SOBP: variants seen among roughly 807,000 people sequenced by gnomAD.
SOBP encodes sine oculis-binding protein homolog.
A neutral mutation model predicts 53.6 loss-of-function variants in SOBP; 4 were observed. That is an observed-to-expected ratio of 0.07 (90% CI 0.04 to 0.17). The LOEUF (loss-of-function observed/expected upper bound fraction) is 0.17, where lower values mean the gene tolerates loss of function less well. Among genes scored for constraint, SOBP ranks in the 10% least tolerant of loss-of-function variants. The pLI is 1.00. For synonymous variants in SOBP, 584 were observed against 522.6 expected (o/e 1.12, Z -1.60); for missense variants, 1,088 against 1,204.7 (o/e 0.90, Z 1.43).
At chr6:107,548,718 C>T (rs1378181642) in intron 4 of SOBP, among the ~76,000 whole-genome samples, 1 of 151,588 alleles carries the variant, frequency 6.6e-6, no homozygotes, top group Non-Finnish European at 1.5e-5. Context: ...GGGAGGATCA[C>T]TTGAGGCCAG....
At chr6:107,524,491 ACT>A (rs1167103333) in intron 3 of SOBP, among the ~76,000 whole-genome samples, 4 of 151,890 alleles carry the variant, frequency 2.6e-5, no homozygotes, top group African/African-American at 9.7e-5. Flanking sequence ...GGTCTGTATT[ACT>A]CTCTCTTTGC....
chr6:107,603,072 A>G (rs1786245770), intron 5 of SOBP, among the ~76,000 whole-genome samples: 1 of 152,198 alleles, frequency 6.6e-6, no homozygotes. Flanking sequence ...AAAGAAGGAT[A>G]CATTGATACT....
intron 4 of SOBP, among the ~76,000 whole-genome samples, chr6:107,535,856 A>G (rs749949733): frequency 6.6e-6 from 1 of 152,074 alleles, no homozygotes; most frequent in Non-Finnish European, 1.5e-5. Context: ...CCATCCTGCC[A>G]TTTCTAAGAA....
rs371437673 is a variant in SOBP at position 107,516,641 on chromosome 6, T to C, written c.421+10214T>C. ...ACCTCCCTACAGTCAATCTACAGGT[T>C]AACTATTATAATTTACGACTCAATT... On this transcript the variant is annotated intron_variant, in intron 3 of 6. Coordinates refer to ENST00000317357, the MANE Select transcript of SOBP (RefSeq NM_018013.4). Among the ~76,000 whole-genome samples the C allele has an allele frequency of 7.5e-4, 114 of 152,294 alleles. 2 individuals carry two copies. The South Asian group carries it at 0.023, about 30-fold the overall frequency.
At chr6:107,642,308 C>T (rs1771363573) in intron 6 of SOBP, among the ~76,000 whole-genome samples, 4 of 151,896 alleles carry the variant, frequency 2.6e-5, no homozygotes, top group Admixed American at 2.6e-4. Context: ...AGGGGAAGTA[C>T]ACACACATGC....
intron 1 of SOBP, among the ~76,000 whole-genome samples, chr6:107,498,428 C>T (rs1782752513): frequency 6.6e-6 from 1 of 152,038 alleles, no homozygotes; most frequent in Non-Finnish European, 1.5e-5. Context: ...AATAAAATCA[C>T]CAGTTCTTTT....
chr6:107,649,067 G>A (rs2115172255), intron 6 of SOBP, among the ~76,000 whole-genome samples: 1 of 150,988 alleles, frequency 6.6e-6, no homozygotes, highest in South Asian at 2.1e-4. Flanking sequence ...TACTCAGGAG[G>A]CTGAGGCCCA....
At position 107,634,717 on chromosome 6, in the gene SOBP, C is replaced by G; in HGVS notation, c.1873C>G (p.Arg625Gly). 1 of 1,376,100 alleles carries G rather than the reference C, an allele frequency of 7.3e-7. No homozygotes were observed. The highest frequency in any genetic ancestry group is 1.8e-5 in the South Asian group (1 of 56,380). 85.2% of individuals were successfully genotyped at this position (1,376,100 alleles called of 1,614,324 possible). A position where few individuals can be genotyped will look rare whatever the true frequency, so the allele number is the denominator to read the frequency against. Residue 625 changes from arginine (R) to glycine (G), a missense_variant, in exon 6 of 7, where the codon CGG becomes GGG. By Grantham distance (125) the Arg-to-Gly change is moderately radical. This residue lies in a region of SOBP where 665 missense variants were observed against 629.7 expected (regional missense o/e 1.06). Coordinates refer to ENST00000317357, the MANE Select transcript of SOBP (RefSeq NM_018013.4). The surrounding 1 kb of genome is among the most constrained non-coding windows in gnomAD (Gnocchi z 4.5). ...HGRSEVVDLT[R>G]RAGSPPGPPG... Reference sequence around the variant, plus strand: ...CCGGAGCGAGGTGGTGGACCTGACGCGGCGCGCCGGCAGCCCCCCGGGCCC... The same window carrying G: ...CCGGAGCGAGGTGGTGGACCTGACGGGGCGCGCCGGCAGCCCCCCGGGCCC...
chr6:107,630,820 A>G (rs1226477542), intron 5 of SOBP, among the ~76,000 whole-genome samples: 2 of 151,800 alleles, frequency 1.3e-5, no homozygotes, highest in East Asian at 1.9e-4. Context: ...GAACTGTCAC[A>G]CTACTACTTG....
At chr6:107,616,093 G>GGA (rs1583276111) in intron 5 of SOBP, among the ~76,000 whole-genome samples, 1 of 121,380 alleles carries the variant, frequency 8.2e-6, no homozygotes, top group Non-Finnish European at 1.7e-5. Context: ...GTGGGGGGGG[G>GGA]GCGGGGGGGC....
At chr6:107,569,696 A>T (rs1160680523) in intron 4 of SOBP, among the ~76,000 whole-genome samples, 1 of 152,242 alleles carries the variant, frequency 6.6e-6, no homozygotes, top group African/African-American at 2.4e-5. Flanking sequence ...GTAGTACAGT[A>T]TGCATTCAAC....
At chr6:107,514,482 C>G (rs1783260258) in intron 3 of SOBP, 1 of 152,088 alleles carries the variant, frequency 6.6e-6, no homozygotes, top group Non-Finnish European at 1.5e-5. Flanking sequence ...TGATATGGGT[C>G]CTGCTTTATT....
chr6:107,607,810 T>C (rs1786442966), intron 5 of SOBP, among the ~76,000 whole-genome samples: 1 of 152,334 alleles, frequency 6.6e-6, no homozygotes, highest in African/African-American at 2.4e-5. Context: ...TGGGGTTCCA[T>C]AGAGAGCTTT....
intron 4 of SOBP, chr6:107,558,156 T>TTCTAC (rs1784668694): frequency 1.3e-5 from 2 of 152,218 alleles, no homozygotes; most frequent in South Asian, 4.1e-4. Context: ...GCAAACTTGG[T>TTCTAC]TCTGAGTACT....
Position 107,635,254 on chromosome 6 carries a change from C to T in SOBP, c.2410C>T (p.Pro804Ser). The T allele has an allele frequency of 6.2e-7, 1 of 1,613,896 alleles. No individual in the cohort carries two copies. The change falls in exon 6 of 7, where the codon CCG becomes TCG. Residue 804 changes from proline (P) to serine (S), a missense_variant. Coordinates refer to ENST00000317357, the MANE Select transcript of SOBP (RefSeq NM_018013.4). The surrounding 1 kb of genome is among the most constrained non-coding windows in gnomAD (Gnocchi z 4.5). ...CCTGGCGGGGGGCGACAAGTCAGAC[C>T]CGAACCTTAATAACCCCGCGGACGA... is the stretch of plus-strand genomic sequence containing the variant. ...EALAGGDKSDPNLNNPADEDH... is the reference protein window; with the variant it reads ...EALAGGDKSDSNLNNPADEDH...
In SOBP at chr6:107,657,908, C is replaced by T. The variant is rs548926910; in HGVS notation, c.*4-299C>T. On this transcript the variant is annotated intron_variant, in intron 6 of 6. Transcript: ENST00000317357. ...GTGGAGGGGGAGGGTTGCTGGGTTG[C>T]AAAGGATGCTGTGGTCTTTGGGTGA... Among the ~76,000 whole-genome samples the T allele has an allele frequency of 2.0e-5, 3 of 151,546 alleles. No homozygotes were observed. The South Asian group carries it at 6.3e-4, about 32-fold the overall frequency.
intron 2 of SOBP, among the ~76,000 whole-genome samples, chr6:107,505,672 A>G (rs1782967529): frequency 6.6e-6 from 1 of 151,602 alleles, no homozygotes; most frequent in Non-Finnish European, 1.5e-5. Flanking sequence ...GTTTTTTGAG[A>G]TGGAGTCTTG....
Position 107,660,080 on chromosome 6 carries a change from C to T in SOBP, c.*1877C>T, listed in dbSNP as rs905226676. 2.0e-5 allele frequency: 3 copies of T among 152,622 alleles called. No individual in the cohort carries two copies. The highest frequency in any genetic ancestry group is 7.2e-5 in the African/African-American group (3 of 41,436). 9.5% of individuals were successfully genotyped at this position (152,622 alleles called of 1,614,324 possible). ...TTTTCTGCTGGGTCACAACATTCTC[C>T]TCTCCCTGACTGGTGTCAGATTCAT... On this transcript the variant is annotated 3_prime_UTR_variant, in exon 7 of 7. Coordinates refer to ENST00000317357, the MANE Select transcript of SOBP (RefSeq NM_018013.4).
At position 107,590,584 on chromosome 6, in the gene SOBP, G is replaced by A. The variant is rs141227548; in HGVS notation, c.669+3409G>A. Among the ~76,000 whole-genome samples the A allele has an allele frequency of 1.9e-3, 285 of 152,310 alleles. 1 individual carries two copies. Among genetic ancestry groups the A allele is most frequent in the Non-Finnish European group, 3.3e-3 (227 of 68,024 alleles). Reference sequence around the variant, plus strand: ...CTGAATCCCTTTGGCTTTTCCTGAGGCTGTTAGGGGTGAGGGTTTTGCAGA... The same window carrying A: ...CTGAATCCCTTTGGCTTTTCCTGAGACTGTTAGGGGTGAGGGTTTTGCAGA... On this transcript the variant is annotated intron_variant, in intron 5 of 6. Coordinates refer to ENST00000317357, the MANE Select transcript of SOBP (RefSeq NM_018013.4).
Sources: allele counts gnomAD v4.1 joint callset (sites outside exome capture counted in the v4.1 genomes callset), GRCh38; gene constraint gnomAD v4.1.1; regional missense constraint gnomAD v4.1.1; non-coding constraint Gnocchi (gnomAD v3.1); transcripts MANE v1.5; gene names NCBI Gene and HGNC (gene_info 2026-07-23, HGNC 2026-07-21).